Variants in WLS observed in about 807,000 individuals in gnomAD.
WLS encodes Wnt ligand secretion mediator.
In WLS, 23 loss-of-function variants were observed where a neutral mutation model predicts 62.8. The ratio of observed to expected loss-of-function variants is 0.37; its 90% CI spans 0.26 to 0.52. The LOEUF (loss-of-function observed/expected upper bound fraction) is 0.52, where lower values mean the gene tolerates loss of function less well. WLS is among the 20% of genes least tolerant of loss of function. WLS has a pLI of 0.92. For synonymous variants in WLS, 246 were observed against 244.1 expected (o/e 1.01, Z -0.07); for missense variants, 615 against 697.3 (o/e 0.88, Z 1.33).
chr1:68,212,517 A>G (rs1387893368), intron 1 of WLS, among the ~76,000 whole-genome samples: 1 of 152,214 alleles, frequency 6.6e-6, no homozygotes, highest in Non-Finnish European at 1.5e-5. Flanking sequence ...AGCAAGTTAG[A>G]TGAAGATTTT....
chr1:68,218,665 C>T (rs1466634591), intron 1 of WLS, among the ~76,000 whole-genome samples: 1 of 152,186 alleles, frequency 6.6e-6, no homozygotes, highest in East Asian at 1.9e-4. Context: ...GCACCTCTGC[C>T]TGGCTCTACT....
At chr1:68,209,722 G>A (rs562174698) in intron 1 of WLS, among the ~76,000 whole-genome samples, 14 of 152,130 alleles carry the variant, frequency 9.2e-5, no homozygotes, top group East Asian at 1.9e-4. Flanking sequence ...CGGAGGTTGC[G>A]GTGAGCCAAG....
At chr1:68,186,295 A>G (rs1236547614) in intron 2 of WLS, among the ~76,000 whole-genome samples, 4 of 152,222 alleles carry the variant, frequency 2.6e-5, no homozygotes, top group African/African-American at 9.6e-5. Context: ...TTTAAAGGGA[A>G]TAAACATTTA....
intron 2 of WLS, chr1:68,161,929 G>A (rs78427591): frequency 1.2e-6 from 2 of 1,610,534 alleles, no homozygotes; most frequent in African/African-American, 1.3e-5. Context: ...GATGCCTGGC[G>A]GATATCTGTA....
chr1:68,156,417 G>A (rs1365523102), intron 3 of WLS, among the ~76,000 whole-genome samples: 2 of 151,846 alleles, frequency 1.3e-5, no homozygotes, highest in Non-Finnish European at 2.9e-5. Flanking sequence ...GAGTATGTAG[G>A]AAGGGGCTAG....
chr1:68,130,424 G>C (rs956577531), intron 11 of WLS, among the ~76,000 whole-genome samples: 1 of 152,118 alleles, frequency 6.6e-6, no homozygotes, highest in Non-Finnish European at 1.5e-5. Context: ...ATGTGTGCCG[G>C]AGCCAAGATT....
chr1:68,126,392 G>T, intron 11 of WLS, 57 bp from the exon 12 acceptor site: 1 of 1,605,514 alleles, frequency 6.2e-7, no homozygotes. Context: ...AGCAAGCTGG[G>T]GTTCATCTCA....
intron 2 of WLS, among the ~76,000 whole-genome samples, chr1:68,178,255 T>G (rs554867571): frequency 1.5e-3 from 224 of 152,334 alleles, no homozygotes; most frequent in African/African-American, 5.1e-3. Flanking sequence ...GGGTACTTAA[T>G]GCACTGAACA....
chr1:68,193,402 A>AAAAAAAG (rs1648458124), intron 2 of WLS, among the ~76,000 whole-genome samples: 1 of 39,436 alleles, frequency 2.5e-5, no homozygotes, highest in Non-Finnish European at 5.1e-5. Flanking sequence ...ATAAGCTAAA[A>AAAAAAAG]AAAAAAAAAA....
intron 11 of WLS, among the ~76,000 whole-genome samples, chr1:68,099,531 A>G (rs1318266227): frequency 1.3e-5 from 2 of 152,294 alleles, no homozygotes; most frequent in East Asian, 3.9e-4. Context: ...GTGGATGCCA[A>G]ACTCTGCAGA....
intron 1 of WLS, among the ~76,000 whole-genome samples, chr1:68,199,124 C>T (rs967510172): frequency 3.9e-5 from 6 of 152,200 alleles, no homozygotes; most frequent in African/African-American, 1.2e-4. Flanking sequence ...AAACAACAGG[C>T]TGACATGACA....
At chr1:68,222,300 G>A (rs1649974181) in intron 1 of WLS, among the ~76,000 whole-genome samples, 1 of 152,160 alleles carries the variant, frequency 6.6e-6, no homozygotes, top group Non-Finnish European at 1.5e-5. Flanking sequence ...AGCAAGGAAG[G>A]AATTTAGTTG....
At chr1:68,158,748 CTT>C (rs1646933707) in intron 3 of WLS, among the ~76,000 whole-genome samples, 1 of 152,182 alleles carries the variant, frequency 6.6e-6, no homozygotes. Flanking sequence ...GGTAGGTACT[CTT>C]ATCTCATCTT....
intron 9 of WLS, 24 bp downstream of exon 9, chr1:68,145,845 G>C (rs773820647): frequency 2.5e-6 from 4 of 1,613,770 alleles, no homozygotes; most frequent in Admixed American, 1.7e-5. Flanking sequence ...ACCAGTTCCA[G>C]AACGAGCCAA....
intron 11 of WLS, among the ~76,000 whole-genome samples, chr1:68,126,733 A>G (rs1267536073): frequency 1.3e-5 from 2 of 152,198 alleles, no homozygotes; most frequent in Non-Finnish European, 2.9e-5. Flanking sequence ...CAGATGAGGA[A>G]GCTGGGAGGT....
intron 2 of WLS, among the ~76,000 whole-genome samples, chr1:68,171,079 C>T (rs750931393): frequency 6.7e-6 from 1 of 148,848 alleles, no homozygotes; most frequent in Non-Finnish European, 1.5e-5. Context: ...TCCCCCCAAA[C>T]CCCTGCACAC....
intron 1 of WLS, among the ~76,000 whole-genome samples, chr1:68,217,442 C>A (rs1649774226): frequency 6.6e-6 from 1 of 152,140 alleles, no homozygotes; most frequent in Admixed American, 6.5e-5. Flanking sequence ...AATAAACAAG[C>A]TAATTTATCA....
intron 11 of WLS, among the ~76,000 whole-genome samples, chr1:68,109,591 TAAC>T (rs1488510673): frequency 1.3e-5 from 2 of 152,098 alleles, no homozygotes; most frequent in Non-Finnish European, 2.9e-5. Flanking sequence ...GACTTAAACA[TAAC>T]TTTTAGAAAT....
At chr1:68,100,081 T>G (rs2100284141) in intron 11 of WLS, among the ~76,000 whole-genome samples, 1 of 152,362 alleles carries the variant, frequency 6.6e-6, no homozygotes, top group Non-Finnish European at 1.5e-5. Context: ...TTTTTCTCAC[T>G]AATAGATGTG....
Sources: gnomAD v4.1 joint callset for allele counts (sites outside exome capture counted in the v4.1 genomes callset) on GRCh38, gnomAD v4.1.1 for gene constraint, MANE v1.5 for transcripts, NCBI Gene and HGNC (gene_info 2026-07-23, HGNC 2026-07-21) for gene names.